The following PCBP3 variants were observed in gnomAD, a reference collection of about 807,000 sequenced individuals.
The protein encoded by PCBP3 is poly(rC) binding protein 3.
Under a neutral mutation model 52.7 loss-of-function variants are expected in PCBP3, and 25 were observed. The ratio of observed to expected loss-of-function variants is 0.47; its 90% CI spans 0.35 to 0.66. The LOEUF is 0.66. Ranked by LOEUF, PCBP3 falls within the 30% of genes least tolerant of loss-of-function variation. The pLI, the probability that PCBP3 is intolerant of heterozygous loss-of-function variation, is 0.01. For missense variants in PCBP3, 391 were observed against 490.3 expected (o/e 0.80, Z 1.91); for synonymous variants, 162 against 183.0 (o/e 0.89, Z 0.93).
Position 45,895,332 on chromosome 21 carries a change from G to A in PCBP3, c.11-876G>A, listed in dbSNP as rs528379923. On this transcript the variant is annotated intron_variant, in intron 5 of 17. Transcript: ENST00000681687. ...AGTGTCCAGGCAGCTCGATTATGGTGGGGGGTGCAGCTTCACAGGTTTCTG... is the reference window on the plus strand; with the variant it reads ...AGTGTCCAGGCAGCTCGATTATGGTAGGGGGTGCAGCTTCACAGGTTTCTG... Among the ~76,000 whole-genome samples the A allele has an allele frequency of 2.5e-3, 376 of 152,352 alleles. 1 individual carries two copies. The highest frequency in any genetic ancestry group is 8.8e-3 in the African/African-American group (366 of 41,572).
At chr21:45,646,146 T>TGTGTGTGTGTGTG (rs1569070571) in intron 1 of PCBP3, among the ~76,000 whole-genome samples, 12 of 148,002 alleles carry the variant, frequency 8.1e-5, no homozygotes, top group Non-Finnish European at 9.0e-5. Flanking sequence ...TGTGTGTGTG[T>TGTGTGTGTGTGTG]TTTGGGGCAG....
In PCBP3 at chr21:45,843,612, G is replaced by A. The variant is rs553030283; in HGVS notation, c.-125-6349G>A. Among the ~76,000 whole-genome samples the A allele has an allele frequency of 3.9e-5, 6 of 152,240 alleles. No homozygotes were observed. The South Asian group carries it at 1.2e-3, about 32-fold the overall frequency. On this transcript the variant is annotated intron_variant, in intron 4 of 17. Coordinates refer to ENST00000681687, the MANE Select transcript of PCBP3 (RefSeq NM_001384156.1). The stretch of plus-strand genomic sequence containing the variant: ...AATAATTTTATTATTGTTGAGGTCT[G>A]TTTTCTGATCTCATCTATTTCTTAT...
At chr21:45,721,397 A>T (rs970122638) in intron 2 of PCBP3, among the ~76,000 whole-genome samples, 2 of 126,044 alleles carry the variant, frequency 1.6e-5, no homozygotes, top group African/African-American at 6.0e-5. Context: ...TAGGCGACGG[A>T]GTAAGACTCC....
At position 45,837,644 on chromosome 21, in the gene PCBP3, C is replaced by T. The variant is rs2093619595; in HGVS notation, c.-125-12317C>T. Among the ~76,000 whole-genome samples, 1 of 152,340 alleles carries T rather than the reference C, an allele frequency of 6.6e-6. No homozygotes were observed. Among genetic ancestry groups the T allele is most frequent in the African/African-American group, 2.4e-5 (1 of 41,574 alleles). On this transcript the variant is annotated intron_variant, in intron 4 of 17. Coordinates refer to ENST00000681687, the MANE Select transcript of PCBP3 (RefSeq NM_001384156.1). The surrounding 1 kb of genome is among the most constrained non-coding windows in gnomAD (Gnocchi z 4.1). Reference sequence around the variant, plus strand: ...TCCTCTGGCATGGTGCAGAGCCCACCTGCAACCCCATATTTGCCCTGGTAG... The same window carrying T: ...TCCTCTGGCATGGTGCAGAGCCCACTTGCAACCCCATATTTGCCCTGGTAG...
At chr21:45,764,248 G>A (rs546224427) in intron 4 of PCBP3, among the ~76,000 whole-genome samples, 65 of 151,802 alleles carry the variant, frequency 4.3e-4, no homozygotes, top group African/African-American at 1.4e-3. Flanking sequence ...TCAGCCTTCC[G>A]AGTAGCTGGG....
chr21:45,691,567 C>T (rs2147798145), intron 2 of PCBP3, among the ~76,000 whole-genome samples: 1 of 151,424 alleles, frequency 6.6e-6, no homozygotes, highest in Admixed American at 6.6e-5. Context: ...ATTCTGCCCT[C>T]AATTAGAATA....
At chr21:45,779,506 G>A (rs943554877) in intron 4 of PCBP3, among the ~76,000 whole-genome samples, 1 of 152,146 alleles carries the variant, frequency 6.6e-6, no homozygotes, top group African/African-American at 2.4e-5. Context: ...CTTGGGTAAT[G>A]TATTCAGAAA....
chr21:45,759,453 G>C (rs1371067393), intron 4 of PCBP3, among the ~76,000 whole-genome samples: 8 of 152,080 alleles, frequency 5.3e-5, no homozygotes, highest in African/African-American at 7.2e-5. Context: ...TATCACCTCT[G>C]CCGCATTATT....
At chr21:45,668,196 C>T (rs2080932372) in intron 1 of PCBP3, among the ~76,000 whole-genome samples, 1 of 152,136 alleles carries the variant, frequency 6.6e-6, no homozygotes, top group South Asian at 2.1e-4. Flanking sequence ...TCTATGTATG[C>T]ACCATGGCCT....
intron 4 of PCBP3, among the ~76,000 whole-genome samples, chr21:45,804,301 G>A (rs1170670843): frequency 1.3e-5 from 2 of 152,064 alleles, no homozygotes; most frequent in Non-Finnish European, 2.9e-5. Flanking sequence ...TGTCATCTTG[G>A]TAACTTATTA....
In PCBP3 at chr21:45,917,565, A is replaced by G; in HGVS notation, c.676-23A>G. The G allele has an allele frequency of 6.2e-7, 1 of 1,605,226 alleles. No homozygotes were observed. Among genetic ancestry groups the G allele is most frequent in the Non-Finnish European group, 8.5e-7 (1 of 1,172,820 alleles). On this transcript the variant is annotated intron_variant, in intron 12 of 17. Transcript: ENST00000681687. The surrounding 1 kb of genome is among the most constrained non-coding windows in gnomAD (Gnocchi z 5.3). ...CGTGGTGCAGCCAGGTTGCAGTCTG[A>G]CGGGGTCTCTCTCTCTCTCTAGGCC...
chr21:45,883,745 A>G (rs2095455037), intron 5 of PCBP3, among the ~76,000 whole-genome samples: 1 of 151,942 alleles, frequency 6.6e-6, no homozygotes, highest in African/African-American at 2.4e-5. Context: ...TTTTCCCATT[A>G]GTTTATCTTC....
At chr21:45,938,608 G>A (rs530661239) in intron 16 of PCBP3, among the ~76,000 whole-genome samples, 5 of 152,226 alleles carry the variant, frequency 3.3e-5, no homozygotes, top group Non-Finnish European at 7.3e-5. Flanking sequence ...GCTGGACTGC[G>A]GGTGGGGCCT....
intron 4 of PCBP3, among the ~76,000 whole-genome samples, chr21:45,814,598 GA>G (rs2092788600): frequency 7.2e-6 from 1 of 139,150 alleles, no homozygotes; most frequent in Non-Finnish European, 1.6e-5. Context: ...AGTGGTGAGT[GA>G]GTGATGAGTG....
rs2096159297 is a variant in PCBP3, at chr21:45,904,832, G to A, written c.339+3719G>A. Among the ~76,000 whole-genome samples, 1 of 152,136 alleles carries A rather than the reference G, an allele frequency of 6.6e-6. No homozygotes were observed. Among genetic ancestry groups the A allele is most frequent in the Non-Finnish European group, 1.5e-5 (1 of 68,024 alleles). On this transcript the variant is annotated intron_variant, in intron 9 of 17. Transcript: ENST00000681687. This position sits in a 1 kb window ranked among gnomAD's most constrained non-coding sequence, Gnocchi z 4.8. ...CTCACACCATGTCACGATTGTGCTG[G>A]TGACGGATACCTGGCCTTAAAAGAA...
intron 4 of PCBP3, among the ~76,000 whole-genome samples, chr21:45,826,156 G>A (rs546144249): frequency 2.6e-5 from 4 of 152,226 alleles, no homozygotes; most frequent in African/African-American, 7.2e-5. Context: ...TACTCGGGAG[G>A]CTGAGGCAGG....
In PCBP3 at chr21:45,657,800, A is replaced by C. The variant is rs143825881; in HGVS notation, c.-278-11074A>C. ...GAGCATAGGATTTAGTAGCTATAAT[A>C]GTTTTTTAGTGGATTCCTGAGGATT... On this transcript the variant is annotated intron_variant, in intron 1 of 17. Coordinates refer to ENST00000681687, the MANE Select transcript of PCBP3 (RefSeq NM_001384156.1). Among the ~76,000 whole-genome samples the C allele has an allele frequency of 3.3e-3, 498 of 152,318 alleles. 4 individuals are homozygous for C. The East Asian group carries it at 0.051, about 16-fold the overall frequency.
chr21:45,669,452 G>A (rs2081006592), intron 2 of PCBP3, among the ~76,000 whole-genome samples: 1 of 151,860 alleles, frequency 6.6e-6, no homozygotes, highest in South Asian at 2.1e-4. Flanking sequence ...CATAAAATTT[G>A]CCATTTTAAA....
At chr21:45,816,327 A>T (rs370744358) in intron 4 of PCBP3, among the ~76,000 whole-genome samples, 1 of 151,860 alleles carries the variant, frequency 6.6e-6, no homozygotes, top group South Asian at 2.1e-4. Context: ...TTAACTTTTG[A>T]CTCTTTTGTA....
Sources: gnomAD v4.1 joint callset for allele counts (sites outside exome capture counted in the v4.1 genomes callset) on GRCh38, gnomAD v4.1.1 for gene constraint, Gnocchi (gnomAD v3.1) non-coding constraint, MANE v1.5 for transcripts, NCBI Gene and HGNC (gene_info 2026-07-23, HGNC 2026-07-21) for gene names.